Variants in SLC22A15 observed in about 807,000 individuals in gnomAD.
The protein encoded by SLC22A15 is solute carrier family 22 member 15, also known as flipt 1.
Under a neutral mutation model 62.7 loss-of-function variants are expected in SLC22A15, and 45 were observed. The ratio of observed to expected loss-of-function variants is 0.72; its 90% CI spans 0.56 to 0.92. The LOEUF is 0.92. SLC22A15 is among the 40% of genes least tolerant of loss of function. The probability of loss-of-function intolerance (pLI) is 0.00; values close to 1 mark genes in which losing one functional copy is unlikely to be tolerated. For missense variants in SLC22A15, 622 were observed against 665.6 expected (o/e 0.93, Z 0.72); for synonymous variants, 264 against 267.0 (o/e 0.99, Z 0.11).
At chr1:116,032,368 T>C (rs769386788) in intron 6 of SLC22A15, 66 of 985,430 alleles carry the variant, frequency 6.7e-5, no homozygotes, top group Middle Eastern at 5.2e-4. Context: ...ATAAGTGTTA[T>C]CTGGGCAAAA....
At chr1:116,058,357 T>C (rs2101558785) in intron 8 of SLC22A15, among the ~76,000 whole-genome samples, 1 of 152,050 alleles carries the variant, frequency 6.6e-6, no homozygotes, top group South Asian at 2.1e-4. Context: ...CCAAAAAACA[T>C]GAAAAAATGC....
intron 8 of SLC22A15, among the ~76,000 whole-genome samples, chr1:116,041,275 A>G (rs1008419719): frequency 6.6e-6 from 1 of 152,204 alleles, no homozygotes; most frequent in Non-Finnish European, 1.5e-5. Context: ...TACTATTCAT[A>G]AACAAAATCT....
At chr1:116,057,436 G>T (rs1333424022) in intron 8 of SLC22A15, among the ~76,000 whole-genome samples, 2 of 151,926 alleles carry the variant, frequency 1.3e-5, no homozygotes. Context: ...TGGAGAAATA[G>T]GAACACTTTT....
chr1:116,027,084 G>T, intron 5 of SLC22A15, 62 bp downstream of exon 5: 1 of 1,499,184 alleles, frequency 6.7e-7, no homozygotes, highest in Non-Finnish European at 9.2e-7. Flanking sequence ...TTAAGAGGAT[G>T]TGGGTCAATG....
chr1:116,003,443 A>G (rs1330334623), intron 2 of SLC22A15, among the ~76,000 whole-genome samples: 1 of 152,176 alleles, frequency 6.6e-6, no homozygotes, highest in Non-Finnish European at 1.5e-5. Flanking sequence ...TAGTTTATTG[A>G]AGACCCTAGA....
chr1:116,039,042 C>T (rs569178052), intron 8 of SLC22A15, among the ~76,000 whole-genome samples: 53 of 152,264 alleles, frequency 3.5e-4, no homozygotes, highest in Middle Eastern at 6.8e-3. Flanking sequence ...TGTATGGTCT[C>T]CCCTCCAGAC....
chr1:116,006,472 G>A (rs1655990276), intron 2 of SLC22A15, among the ~76,000 whole-genome samples: 1 of 152,186 alleles, frequency 6.6e-6, no homozygotes, highest in African/African-American at 2.4e-5. Context: ...GGCAAGTGCT[G>A]AAGATCTTTA....
rs554304413 is a variant in SLC22A15 at position 116,020,280 on chromosome 1, C to T, written c.434-441C>T. The stretch of plus-strand genomic sequence containing the variant: ...AAAAAAACACACAGCTGGCTGGGCG[C>T]GGTGGCTCACGCCTGTAATCCCAGC... On this transcript the variant is annotated intron_variant, in intron 3 of 11. Transcript: ENST00000369503. Among the ~76,000 whole-genome samples, 5 of 149,800 alleles carry T rather than the reference C, an allele frequency of 3.3e-5. No individual in the cohort carries two copies. In the East Asian group the frequency reaches 7.8e-4, roughly 23 times the overall value.
intron 2 of SLC22A15, chr1:116,014,077 TCAG>T (rs1281752779): frequency 6.6e-6 from 1 of 152,216 alleles, no homozygotes; most frequent in African/African-American, 2.4e-5. Flanking sequence ...CCATTTATTC[TCAG>T]CATCTAAGCA....
chr1:116,038,860 A>G (rs1356329923), intron 8 of SLC22A15, among the ~76,000 whole-genome samples: 1 of 152,132 alleles, frequency 6.6e-6, no homozygotes, highest in African/African-American at 2.4e-5. Context: ...AGTCCTATAT[A>G]CACACGTGTA....
intron 2 of SLC22A15, among the ~76,000 whole-genome samples, chr1:116,010,375 T>C (rs1474002494): frequency 1.3e-5 from 2 of 152,212 alleles, no homozygotes; most frequent in Non-Finnish European, 2.9e-5. Context: ...TTAAAACTAT[T>C]TGAAAAATTC....
chr1:115,995,357 T>A (rs916369858), intron 2 of SLC22A15, among the ~76,000 whole-genome samples: 1 of 152,228 alleles, frequency 6.6e-6, no homozygotes. Context: ...GTTCAAGCAA[T>A]TCTTCTGCCT....
intron 6 of SLC22A15, among the ~76,000 whole-genome samples, chr1:116,034,637 G>A (rs76633737): frequency 0.018 from 2,716 of 152,274 alleles, 34 homozygotes; most frequent in Middle Eastern, 0.065. Flanking sequence ...GCAGGATGGG[G>A]TTAAAACCTG....
rs1157284006 is a variant in SLC22A15 at position 116,068,698 on chromosome 1, C to T, written c.*1590C>T. 1 of 152,110 alleles carries T rather than the reference C, an allele frequency of 6.6e-6. No individual in the cohort carries two copies. The highest frequency in any genetic ancestry group is 1.5e-5 in the Non-Finnish European group (1 of 68,020). 9.4% of individuals were successfully genotyped at this position (152,110 alleles called of 1,614,324 possible). On this transcript the variant is annotated 3_prime_UTR_variant, in exon 12 of 12. Transcript: ENST00000369503. Reference sequence around the variant, plus strand: ...AGCCATCAGGGAGATTGTGGAACTCCTCCCAGTATAATTTTTACAAACTCC... The same window carrying T: ...AGCCATCAGGGAGATTGTGGAACTCTTCCCAGTATAATTTTTACAAACTCC...
intron 8 of SLC22A15, among the ~76,000 whole-genome samples, chr1:116,060,048 A>G (rs1658339106): frequency 6.6e-6 from 1 of 152,184 alleles, no homozygotes; most frequent in South Asian, 2.1e-4. Flanking sequence ...ATCACTTTGG[A>G]CATTCATTGG....
chr1:116,019,525 G>GT, intron 2 of SLC22A15, 57 bp from the exon 3 acceptor site: 1 of 1,518,960 alleles, frequency 6.6e-7, no homozygotes, highest in South Asian at 1.3e-5. Flanking sequence ...TGCACATTTG[G>GT]TTTTTTAATA....
intron 6 of SLC22A15, 102 bp from the exon 7 acceptor site, chr1:116,035,085 T>C: frequency 4.1e-6 from 5 of 1,226,302 alleles, no homozygotes; most frequent in East Asian, 2.4e-5. Flanking sequence ...GATCAAGCAA[T>C]TATATTGAAC....
At chr1:116,053,880 G>T (rs1370656538) in intron 8 of SLC22A15, among the ~76,000 whole-genome samples, 2 of 151,768 alleles carry the variant, frequency 1.3e-5, no homozygotes, top group African/African-American at 4.8e-5. Context: ...CACCAGGCCT[G>T]CCCTAAAAGA....
intron 1 of SLC22A15, among the ~76,000 whole-genome samples, chr1:115,986,655 A>G (rs1037706686): frequency 1.3e-5 from 2 of 152,206 alleles, no homozygotes; most frequent in African/African-American, 2.4e-5. Flanking sequence ...TACACAGAGT[A>G]TGGTTGTTGG....
Sources: allele counts gnomAD v4.1 joint callset (sites outside exome capture counted in the v4.1 genomes callset), GRCh38; gene constraint gnomAD v4.1.1; transcripts MANE v1.5; gene names NCBI Gene and HGNC (gene_info 2026-07-23, HGNC 2026-07-21).